Variants in USP2 observed in about 807,000 individuals in gnomAD.
USP2 encodes the protein ubiquitin carboxyl-terminal hydrolase 2.
Under a neutral mutation model 72.0 loss-of-function variants are expected in USP2, and 33 were observed. That is an observed-to-expected ratio of 0.46 (90% CI 0.35 to 0.61). The LOEUF (loss-of-function observed/expected upper bound fraction) is 0.61, where lower values mean the gene tolerates loss of function less well. USP2 is among the 20% of genes least tolerant of loss of function. USP2 has a pLI of 0.01. For synonymous variants in USP2, 296 were observed against 312.5 expected, an observed-to-expected ratio of 0.95 and a Z score of 0.56; for missense variants, 691 against 797.8, an observed-to-expected ratio of 0.87 and a Z score of 1.61.
Position 119,356,758 on chromosome 11 carries a change from GTTTTGT to G in USP2, c.*71_*76del. The stretch of plus-strand genomic sequence containing the variant: ...GTCAGGTTTGTGTGTTGTTGTTGTT[GTTTTGT>G]TTTTGTCTTTTTAAAAAATTTAGGG... On this transcript the variant is annotated 3_prime_UTR_variant, in exon 13 of 13. Coordinates refer to ENST00000260187, the MANE Select transcript of USP2 (RefSeq NM_004205.5). 2 of 1,361,276 alleles carry G rather than the reference GTTTTGT, an allele frequency of 1.5e-6. No individual in the cohort carries two copies. Among genetic ancestry groups the G allele is most frequent in the Non-Finnish European group, 2.0e-6 (2 of 1,003,780 alleles). 84.3% of individuals were successfully genotyped at this position (1,361,276 alleles called of 1,614,324 possible).
rs771185028 is a variant in USP2, at chr11:119,358,777, G to A, written c.1233C>T (p.Ile411=). 4.3e-6 allele frequency: 7 copies of A among 1,613,922 alleles called. No homozygotes were observed. The East Asian group carries it at 8.9e-5, about 21-fold the overall frequency. Residue 411 remains isoleucine (I), a synonymous_variant, in exon 7 of 13, where the codon ATC becomes ATT. Coordinates refer to ENST00000260187, the MANE Select transcript of USP2 (RefSeq NM_004205.5). ...TCTTCCCTTTCATGCGCTTACCCCC[G>A]ATCCTACTGTCTTCCCGTTCTAGAT... ...RKYLEREDSR[I]GDLFVGQLKS...
At chr11:119,357,113 TG>T in intron 12 of USP2, 73 bp downstream of exon 12, 1 of 682,618 alleles carries the variant, frequency 1.5e-6, no homozygotes, top group Non-Finnish European at 1.9e-6. Context: ...GGGGTGGGTT[TG>T]GGGGGAGGGT....
Position 119,358,056 on chromosome 11 carries a change from A to T in USP2, c.1347T>A (p.Gly449=). 1 of 1,614,198 alleles carries T rather than the reference A, an allele frequency of 6.2e-7. No homozygotes were observed. Among genetic ancestry groups the T allele is most frequent in the Middle Eastern group, 1.6e-4 (1 of 6,062 alleles). ...WDLSLPIAKR[G]YPEVTLMDCM... ...AGTCCATTAATGTCACCTCAGGATA[A>T]CCTCGCTGGGAAGGGGAAAAAAGCA... Residue 449 remains glycine, a synonymous_variant, in exon 9 of 13, where the codon GGT becomes GGA. Coordinates refer to ENST00000260187, the MANE Select transcript of USP2 (RefSeq NM_004205.5).
Position 119,372,749 on chromosome 11 carries a change from G to C in USP2, c.732C>G (p.Ala244=), listed in dbSNP as rs1425731757. The C allele has an allele frequency of 1.9e-6, 3 of 1,548,830 alleles. No homozygotes were observed. The highest frequency in any genetic ancestry group is 4.0e-5 in the Admixed American group (2 of 49,678). ...YTLWETGKGQ[A]PGPSRSSSPG... is the part of the protein sequence containing the mutation. ...GGGAGCTGGAGCGGCTGGGCCCAGG[G>C]GCCTGACCCTTTCCCGTCTCCCACA... The change falls in exon 2 of 13, where the codon GCC becomes GCG. Residue 244 remains alanine, a synonymous_variant. Coordinates refer to ENST00000260187, the MANE Select transcript of USP2 (RefSeq NM_004205.5).
In USP2 at chr11:119,373,464, G is replaced by A. The variant is rs1182976372; in HGVS notation, c.17C>T (p.Ser6Phe). The change falls in exon 2 of 13, where the codon TCC becomes TTC. Residue 6 changes from serine to phenylalanine, a missense_variant. Physicochemically the swap from Ser to Phe is radical, Grantham distance 155 (BLOSUM62 -2). Coordinates refer to ENST00000260187, the MANE Select transcript of USP2 (RefSeq NM_004205.5). The stretch of plus-strand genomic sequence containing the variant: ...CGATTCTGTGTAGCGCTTCAGGGTG[G>A]AGGAGAGCTGGGACATCCTTCAGGG... MSQLS[S>F]TLKRYTESAR... is the part of the protein sequence containing the mutation. 2 of 1,585,748 alleles carry A rather than the reference G, an allele frequency of 1.3e-6. No homozygotes were observed. Among genetic ancestry groups the A allele is most frequent in the Admixed American group, 1.7e-5 (1 of 59,214 alleles).
At position 119,357,758 on chromosome 11, in the gene USP2, G is replaced by C; in HGVS notation, c.1500C>G (p.Leu500=). The C allele has an allele frequency of 6.2e-7, 1 of 1,613,794 alleles. No individual in the cohort carries two copies. The highest frequency in any genetic ancestry group is 8.5e-7 in the Non-Finnish European group (1 of 1,180,036). ...SIQRFPKILV[L]HLKRFSESRI... ...AGCCCTGATGGATCTTAAGGATACG[G>C]AGCACCAAGATCTTTGGGAACCTCT... is the stretch of plus-strand genomic sequence containing the variant. The change falls in exon 10 of 13, where the codon CTC becomes CTG. Residue 500 remains leucine, a splice_region_variant and synonymous_variant. Coordinates refer to ENST00000260187, the MANE Select transcript of USP2 (RefSeq NM_004205.5).
intron 3 of USP2, 135 bp from the exon 4 acceptor site, chr11:119,359,795 C>T: frequency 1.6e-6 from 2 of 1,286,064 alleles, no homozygotes; most frequent in Non-Finnish European, 2.1e-6. Flanking sequence ...GCCTCAAGTT[C>T]CTCTTTTCAT....
intron 1 of USP2, among the ~76,000 whole-genome samples, chr11:119,374,180 A>G (rs1950971493): frequency 6.6e-6 from 1 of 152,198 alleles, no homozygotes; most frequent in African/African-American, 2.4e-5. Context: ...CACCTGCTGC[A>G]TGGTCCCACA....
chr11:119,379,353 T>G (rs1951035452), intron 1 of USP2: 6 of 891,076 alleles, frequency 6.7e-6, no homozygotes, highest in Admixed American at 7.0e-5. Context: ...GAAAGAGCAT[T>G]GAAAAGAGCA....
chr11:119,363,912 G>A (rs1181177410), intron 2 of USP2: 4 of 1,333,394 alleles, frequency 3.0e-6, no homozygotes, highest in African/African-American at 3.1e-5. Flanking sequence ...AGAGAGGGGA[G>A]CGCGGCCGCA....
At position 119,359,013 on chromosome 11, in the gene USP2, C is replaced by G. The variant is rs754517625; in HGVS notation, c.1172+11G>C. ...AGTTTTGCTTTCCCACAGCATTCTC[C>G]TCTTACTTACGGAAGATGATCGAGG... is the stretch of plus-strand genomic sequence containing the variant. On this transcript the variant is annotated intron_variant, in intron 6 of 12. Transcript: ENST00000260187. The G allele has an allele frequency of 1.9e-6, 3 of 1,613,322 alleles. No individual in the cohort carries two copies. The South Asian group carries it at 3.3e-5, about 18-fold the overall frequency.
rs537255168 is a variant in USP2, at chr11:119,360,188, T to C, written c.821A>G (p.Asn274Ser). 1.9e-6 allele frequency: 3 copies of C among 1,613,688 alleles called. No homozygotes were observed. Among genetic ancestry groups the C allele is most frequent in the South Asian group, 1.1e-5 (1 of 91,000 alleles). ...QGLAGLRNLGNTCFMNSILQC... is the reference protein window; with the variant it reads ...QGLAGLRNLGSTCFMNSILQC... ...AGCAGGCCAGGAAAAACTCACCGTG[T>C]TCCCAAGGTTTCGAAGACCAGCCAG... The change falls in exon 3 of 13, where the codon AAC becomes AGC. Residue 274 changes from asparagine (N) to serine (S), a missense_variant. Transcript: ENST00000260187.
chr11:119,378,323 G>A (rs1297384799), intron 1 of USP2, among the ~76,000 whole-genome samples: 1 of 149,764 alleles, frequency 6.7e-6, no homozygotes, highest in Non-Finnish European at 1.5e-5. Flanking sequence ...TAGAGTAGGG[G>A]ATGGGGGGGC....
intron 1 of USP2, chr11:119,379,363 A>C: frequency 6.3e-5 from 36 of 567,570 alleles, no homozygotes; most frequent in South Asian, 2.3e-4. Flanking sequence ...TGAAAAGAGC[A>C]CAGAGGGGTG....
intron 2 of USP2, among the ~76,000 whole-genome samples, chr11:119,365,407 G>C (rs556899856): frequency 6.6e-6 from 1 of 152,290 alleles, no homozygotes; most frequent in East Asian, 1.9e-4. Flanking sequence ...GGAGGGGGCA[G>C]GGGACAGGAA....
chr11:119,373,620 C>T (rs1460499367), intron 1 of USP2, 99 bp from the exon 2 acceptor site: 6 of 1,178,590 alleles, frequency 5.1e-6, no homozygotes, highest in Non-Finnish European at 5.8e-6. Flanking sequence ...CTCAGAGCTC[C>T]CAGTCCATTT....
At chr11:119,361,262 G>GC (rs1203026928) in intron 2 of USP2, among the ~76,000 whole-genome samples, 10 of 152,368 alleles carry the variant, frequency 6.6e-5, no homozygotes, top group African/African-American at 2.4e-4. Flanking sequence ...CTTGCTGTTG[G>GC]CCCTATAGCG....
At chr11:119,370,132 A>G (rs576895887) in intron 2 of USP2, among the ~76,000 whole-genome samples, 16 of 152,120 alleles carry the variant, frequency 1.1e-4, no homozygotes, top group Non-Finnish European at 2.1e-4. Context: ...CCGAGATCGC[A>G]CCACTGCACT....
chr11:119,357,635 G>C, intron 10 of USP2, 45 bp from the exon 11 acceptor site: 1 of 1,613,920 alleles, frequency 6.2e-7, no homozygotes, highest in Non-Finnish European at 8.5e-7. Context: ...ATGCAGAAGG[G>C]CAGACAACAA....
Sources: gnomAD v4.1 joint callset for allele counts (sites outside exome capture counted in the v4.1 genomes callset) on GRCh38, gnomAD v4.1.1 for gene constraint, MANE v1.5 for transcripts, NCBI Gene and HGNC (gene_info 2026-07-23, HGNC 2026-07-21) for gene names.